The following KLHL1 variants were observed in gnomAD, a reference collection of about 807,000 sequenced individuals.
KLHL1 encodes the protein kelch like family member 1.
Under a neutral mutation model 77.7 loss-of-function variants are expected in KLHL1, and 47 were observed. The ratio of observed to expected loss-of-function variants is 0.60; its 90% confidence interval spans 0.48 to 0.77. The LOEUF is 0.77. Among genes scored for constraint, KLHL1 ranks in the 30% least tolerant of loss-of-function variants. KLHL1 has a pLI of 0.00. For missense variants in KLHL1, 925 were observed against 910.8 expected (o/e 1.02, Z -0.20); for synonymous variants, 360 against 325.2 (o/e 1.11, Z -1.15).
intron 4 of KLHL1, among the ~76,000 whole-genome samples, chr13:69,895,702 T>C (rs182265267): frequency 8.3e-6 from 1 of 120,372 alleles, no homozygotes; most frequent in East Asian, 2.7e-4. Context: ...AATCTGTTTC[T>C]TTCTTTTTTC....
intron 5 of KLHL1, among the ~76,000 whole-genome samples, chr13:69,849,112 T>G (rs1566321929): frequency 6.6e-6 from 1 of 151,452 alleles, no homozygotes; most frequent in Non-Finnish European, 1.5e-5. Flanking sequence ...CTTCATTCAT[T>G]CATCAAATAT....
At chr13:69,996,308 A>G (rs1885151174) in intron 1 of KLHL1, among the ~76,000 whole-genome samples, 1 of 152,100 alleles carries the variant, frequency 6.6e-6, no homozygotes, top group Non-Finnish European at 1.5e-5. Flanking sequence ...TTTAAAAAAA[A>G]TAAAATAAAA....
intron 7 of KLHL1, among the ~76,000 whole-genome samples, chr13:69,767,540 A>T (rs1474711148): frequency 6.6e-6 from 1 of 152,154 alleles, no homozygotes; most frequent in African/African-American, 2.4e-5. Context: ...CTACAAAAAT[A>T]AAACTTTTAA....
intron 4 of KLHL1, among the ~76,000 whole-genome samples, chr13:69,902,108 G>GC (rs1343004771): frequency 1.3e-5 from 2 of 152,030 alleles, no homozygotes; most frequent in Non-Finnish European, 2.9e-5. Context: ...CCCACAATGA[G>GC]TTTTTTTATA....
intron 7 of KLHL1, among the ~76,000 whole-genome samples, chr13:69,777,243 C>T (rs1458876581): frequency 6.6e-6 from 1 of 152,094 alleles, no homozygotes; most frequent in Non-Finnish European, 1.5e-5. Flanking sequence ...GTCTATTAAA[C>T]CTCTTTTTCT....
chr13:69,908,609 C>G (rs972348933), intron 4 of KLHL1, among the ~76,000 whole-genome samples: 27 of 150,884 alleles, frequency 1.8e-4, no homozygotes, highest in African/African-American at 6.6e-4. Flanking sequence ...ATATATATTT[C>G]ATTTATGAAT....
chr13:69,973,406 T>A lies in KLHL1; in HGVS notation c.680+2214A>T, dbSNP rs147089184. On this transcript the variant is annotated intron_variant, in intron 2 of 10. Coordinates refer to ENST00000377844, the MANE Select transcript of KLHL1 (RefSeq NM_020866.3). ...GAATACTGAGCAAGTGCTAATAATG[T>A]TAGCTAGCAATGCTTTTACTGAAAG... 7.1e-3 allele frequency among the ~76,000 whole-genome samples: 1,084 copies of A among 151,830 alleles called. 17 individuals carry two copies. The highest frequency in any genetic ancestry group is 0.025 in the African/African-American group (1,026 of 41,504).
At chr13:70,083,264 T>C (rs1360011) in intron 1 of KLHL1, among the ~76,000 whole-genome samples, 33,940 of 152,178 alleles carry the variant, frequency 0.22, 3,986 homozygotes, top group Admixed American at 0.29. Context: ...ATAATAATGA[T>C]GTAGGAGTAA....
chr13:69,898,329 C>T (rs1881720638), intron 4 of KLHL1, among the ~76,000 whole-genome samples: 1 of 152,156 alleles, frequency 6.6e-6, no homozygotes, highest in African/African-American at 2.4e-5. Context: ...AGGAGTTTGC[C>T]TGAGTTCCTG....
chr13:69,770,324 G>A (rs1193476262), intron 7 of KLHL1, among the ~76,000 whole-genome samples: 1 of 152,218 alleles, frequency 6.6e-6, no homozygotes, highest in African/African-American at 2.4e-5. Flanking sequence ...GGCAGAGTGA[G>A]CTGAGCAGGC....
chr13:69,803,131 AT>A (rs1183937412), intron 6 of KLHL1: 1 of 152,192 alleles, frequency 6.6e-6, no homozygotes. Flanking sequence ...TTGAAATATT[AT>A]TCTTAAATAA....
intron 1 of KLHL1, among the ~76,000 whole-genome samples, chr13:69,997,275 TTTC>T (rs144036455): frequency 0.11 from 17,022 of 150,580 alleles, 1,665 homozygotes; most frequent in African/African-American, 0.28. Context: ...AATTTTATTT[TTTC>T]TTTTTTATTT....
chr13:69,961,095 A>G (rs534382516), intron 3 of KLHL1, among the ~76,000 whole-genome samples: 36 of 152,156 alleles, frequency 2.4e-4, no homozygotes, highest in African/African-American at 8.7e-4. Context: ...AAGCCAGTTT[A>G]AATCATTTGT....
intron 1 of KLHL1, among the ~76,000 whole-genome samples, chr13:70,082,392 C>T (rs1178180229): frequency 5.4e-5 from 8 of 147,982 alleles, no homozygotes; most frequent in African/African-American, 1.8e-4. Context: ...TAGGTAGTTG[C>T]TCTAGGTGGA....
intron 4 of KLHL1, among the ~76,000 whole-genome samples, chr13:69,934,076 T>G (rs1053777349): frequency 6.6e-6 from 1 of 152,172 alleles, no homozygotes; most frequent in Non-Finnish European, 1.5e-5. Flanking sequence ...ATCACAGTTT[T>G]ATTGTTTTTA....
intron 7 of KLHL1, among the ~76,000 whole-genome samples, chr13:69,768,987 G>A (rs909776731): frequency 6.6e-6 from 1 of 152,088 alleles, no homozygotes; most frequent in Non-Finnish European, 1.5e-5. Context: ...AGGAATTCAT[G>A]GAAAGTTAAA....
chr13:69,839,542 T>C (rs1294136057), intron 5 of KLHL1, among the ~76,000 whole-genome samples: 1 of 151,970 alleles, frequency 6.6e-6, no homozygotes, highest in East Asian at 1.9e-4. Flanking sequence ...TTCAACAAAT[T>C]AAGCCATTAC....
intron 2 of KLHL1, among the ~76,000 whole-genome samples, chr13:69,972,421 A>G (rs1884410693): frequency 6.6e-6 from 1 of 151,974 alleles, no homozygotes; most frequent in Admixed American, 6.6e-5. Context: ...AGAATAGGAT[A>G]CTTTTCTATC....
At chr13:69,727,327 A>T (rs188851326) in intron 8 of KLHL1, among the ~76,000 whole-genome samples, 1 of 152,168 alleles carries the variant, frequency 6.6e-6, no homozygotes, top group African/African-American at 2.4e-5. Flanking sequence ...TTGTTTATCA[A>T]TCTAGAGAGT....
Sources: allele counts gnomAD v4.1 joint callset (sites outside exome capture counted in the v4.1 genomes callset), GRCh38; gene constraint gnomAD v4.1.1; transcripts MANE v1.5; gene names NCBI Gene and HGNC (gene_info 2026-07-23, HGNC 2026-07-21).